DMD: variants seen among roughly 807,000 people sequenced by gnomAD.
The protein encoded by DMD is mutant dystrophin.
A neutral mutation model predicts 330.1 loss-of-function variants in DMD; 63 were observed. The ratio of observed to expected loss-of-function variants is 0.19; its 90% CI spans 0.16 to 0.24. DMD has a LOEUF of 0.24. Among genes scored for constraint, DMD ranks in the 10% least tolerant of loss-of-function variants. The pLI is 1.00. For synonymous variants in DMD, 1,223 were observed against 959.8 expected (o/e 1.27, Z -5.07); for missense variants, 3,344 against 2,684.1 (o/e 1.25, Z -5.43).
intron 7 of DMD, among the ~76,000 whole-genome samples, chrX:32,733,913 C>T (rs1243383731): frequency 9.5e-6 from 1 of 104,790 alleles, no homozygotes; most frequent in Non-Finnish European, 2.0e-5. Context: ...TAACTAAAAT[C>T]AGAGCAGAAC....
At chrX:31,316,701 G>C (rs2056040945) in intron 62 of DMD, among the ~76,000 whole-genome samples, 1 of 111,957 alleles carries the variant, frequency 8.9e-6, no homozygotes, top group African/African-American at 3.2e-5. Flanking sequence ...TGTGGTTCCA[G>C]AGCTTACTGA....
At chrX:31,708,807 C>G (rs2084391323) in intron 52 of DMD, among the ~76,000 whole-genome samples, 1 of 111,911 alleles carries the variant, frequency 8.9e-6, no homozygotes, top group Non-Finnish European at 1.9e-5. Flanking sequence ...TGTTTAGTGA[C>G]CAAATTTCTT....
intron 12 of DMD, among the ~76,000 whole-genome samples, chrX:32,597,591 A>T (rs761838430): frequency 1.8e-5 from 2 of 112,065 alleles, no homozygotes; most frequent in South Asian, 7.4e-4. Flanking sequence ...TAATTCAAAT[A>T]CTGCCTTTCT....
At chrX:33,283,543 A>C (rs1190672132) in intron 1 of DMD, among the ~76,000 whole-genome samples, 1 of 109,226 alleles carries the variant, frequency 9.2e-6, no homozygotes, top group Non-Finnish European at 1.9e-5. Context: ...AAAAAAAAAA[A>C]ACATCAACTA....
At chrX:31,651,914 T>C (rs1048685657) in intron 54 of DMD, among the ~76,000 whole-genome samples, 1 of 111,488 alleles carries the variant, frequency 9.0e-6, no homozygotes, top group Non-Finnish European at 1.9e-5. Flanking sequence ...AACATGTCAC[T>C]CCTCCATTCA....
intron 44 of DMD, among the ~76,000 whole-genome samples, chrX:32,210,195 C>A (rs897675941): frequency 8.9e-6 from 1 of 112,147 alleles, no homozygotes; most frequent in Non-Finnish European, 1.9e-5. Context: ...ATTGCTGTAA[C>A]CTTAAAGTAA....
chrX:33,188,430 C>T (rs755709613), intron 1 of DMD, among the ~76,000 whole-genome samples: 1 of 110,645 alleles, frequency 9.0e-6, no homozygotes, highest in African/African-American at 3.3e-5. Context: ...TTACCAGTTG[C>T]TATTGTACTT....
At chrX:32,348,590 A>G in intron 37 of DMD, 62 bp from the exon 38 acceptor site, 1 of 1,007,592 alleles carries the variant, frequency 9.9e-7, no homozygotes, top group Non-Finnish European at 1.4e-6. Context: ...CATAAACCAA[A>G]AGAAATACAT....
At chrX:31,375,582 T>G in intron 60 of DMD, among the ~76,000 whole-genome samples, 1 of 111,726 alleles carries the variant, frequency 9.0e-6, no homozygotes, top group Non-Finnish European at 1.9e-5. Flanking sequence ...CTTGAGGACA[T>G]TATGCTACGT....
intron 59 of DMD, among the ~76,000 whole-genome samples, chrX:31,453,247 C>T (rs200681970): frequency 6.3e-5 from 7 of 110,897 alleles, no homozygotes; most frequent in African/African-American, 2.3e-4. Flanking sequence ...CTGCAACCTC[C>T]GCCTCCCAGG....
At chrX:31,973,940 T>C (rs2095417923) in intron 44 of DMD, among the ~76,000 whole-genome samples, 1 of 111,471 alleles carries the variant, frequency 9.0e-6, no homozygotes, top group East Asian at 2.8e-4. Flanking sequence ...TATTAGTAAT[T>C]TGCAAGGAAC....
chrX:33,293,413 G>A (rs1336580528), intron 1 of DMD, among the ~76,000 whole-genome samples: 4 of 111,621 alleles, frequency 3.6e-5, no homozygotes, highest in Admixed American at 2.9e-4. Flanking sequence ...TTATTAGTTT[G>A]TCTTCTTCAA....
chrX:32,392,633 C>A (rs912318092), intron 30 of DMD, among the ~76,000 whole-genome samples: 4 of 112,030 alleles, frequency 3.6e-5, no homozygotes, highest in Admixed American at 2.8e-4. Flanking sequence ...ACTCCCTCAA[C>A]AAGAGGTGAA....
chrX:31,570,251 A>G (rs2075737733), intron 55 of DMD, among the ~76,000 whole-genome samples: 1 of 111,716 alleles, frequency 9.0e-6, no homozygotes, highest in South Asian at 3.7e-4. Flanking sequence ...AGAAGAAGTT[A>G]CAGGTTTTGG....
chrX:31,713,764 G>C lies in DMD; in HGVS notation c.7660+15867C>G, dbSNP rs1008359740. ...CTGTAATGAAAGAGGCTGTATCATG[G>C]TTTCCTTGGAACACCACATAATTCC... On this transcript the variant is annotated intron_variant, in intron 52 of 78. Coordinates refer to ENST00000357033, the MANE Select transcript of DMD (RefSeq NM_004006.3). Among the ~76,000 whole-genome samples, 93 of 111,523 alleles carry C rather than the reference G, an allele frequency of 8.3e-4. 1 individual carries two copies. The highest frequency in any genetic ancestry group is 3.0e-3 in the African/African-American group (91 of 30,769).
At chrX:32,675,119 A>G in intron 9 of DMD, among the ~76,000 whole-genome samples, 1 of 111,614 alleles carries the variant, frequency 9.0e-6, no homozygotes, top group Non-Finnish European at 1.9e-5. Context: ...AAGCATTCTC[A>G]TTAATGACAC....
In DMD at chrX:31,223,125, A is replaced by T; in HGVS notation, c.9287-4T>A. On this transcript the variant is annotated splice_polypyrimidine_tract_variant and splice_region_variant and intron_variant, in intron 63 of 78. Coordinates refer to ENST00000357033, the MANE Select transcript of DMD (RefSeq NM_004006.3). Reference sequence around the variant, plus strand: ...AATCTGACATTATTCAGGTCAGCTGAAAAGAGGGAAAACAAAGAGCATTTG... The same window carrying T: ...AATCTGACATTATTCAGGTCAGCTGTAAAGAGGGAAAACAAAGAGCATTTG... The T allele has an allele frequency of 8.3e-7, 1 of 1,203,684 alleles. No homozygotes were observed. The highest frequency in any genetic ancestry group is 1.1e-6 in the Non-Finnish European group (1 of 888,091).
chrX:32,697,704 A>G lies in DMD; in HGVS notation c.960+166T>C, dbSNP rs182502235. Among the ~76,000 whole-genome samples, 398 of 112,278 alleles carry G rather than the reference A, an allele frequency of 3.5e-3. 6 individuals are homozygous for G. The highest frequency in any genetic ancestry group is 0.03 in the Admixed American group (314 of 10,516). ...GTATAGTAAACCTAGAGAAGACTCA[A>G]TAACAAAGCAGAATCACATGAGGGA... On this transcript the variant is annotated intron_variant, in intron 9 of 78. Transcript: ENST00000357033.
At chrX:33,334,479 C>T (rs768641717) in intron 1 of DMD, among the ~76,000 whole-genome samples, 1 of 111,210 alleles carries the variant, frequency 9.0e-6, no homozygotes, top group South Asian at 3.8e-4. Context: ...TGCTTTGTGG[C>T]CCACATGGTC....
Sources: allele counts gnomAD v4.1 joint callset (sites outside exome capture counted in the v4.1 genomes callset), GRCh38; gene constraint gnomAD v4.1.1; transcripts MANE v1.5; gene names NCBI Gene and HGNC (gene_info 2026-07-23, HGNC 2026-07-21).